Variants in P3H2 observed in about 807,000 individuals in gnomAD.
P3H2 encodes prolyl 3-hydroxylase 2, also known as leprecan-like 1.
In P3H2, 80 loss-of-function variants were observed where a neutral mutation model predicts 87.0. That is an observed-to-expected ratio of 0.92 (90% confidence interval 0.77 to 1.11). The LOEUF (loss-of-function observed/expected upper bound fraction) is 1.11, where lower values mean the gene tolerates loss of function less well. Ranked by LOEUF, P3H2 falls within the 50% of genes least tolerant of loss-of-function variation. The pLI is 0.00. For missense variants in P3H2, 1,001 were observed against 923.9 expected, an observed-to-expected ratio of 1.08 and a Z score of -1.08; for synonymous variants, 367 against 359.3, an observed-to-expected ratio of 1.02 and a Z score of -0.24.
chr3:190,027,439 C>T (rs1725116171), intron 1 of P3H2, among the ~76,000 whole-genome samples: 1 of 151,912 alleles, frequency 6.6e-6, no homozygotes, highest in African/African-American at 2.4e-5. Context: ...TGGTTGGGTA[C>T]CTGAACAGTA....
chr3:190,019,792 A>G lies in P3H2; in HGVS notation c.481-24350T>C, dbSNP rs1165689425. 1.2e-4 allele frequency among the ~76,000 whole-genome samples: 5 copies of G among 42,496 alleles called. 1 individual carries two copies. The highest frequency in any genetic ancestry group is 3.4e-4 in the African/African-American group (5 of 14,532). The allele number at this position is 42,496 out of a possible 152,430, so 27.9% of individuals were successfully genotyped here. On this transcript the variant is annotated intron_variant, in intron 1 of 14. Transcript: ENST00000319332. ...ATTACCTAGAAATTAAAAAATATAT[A>G]TATATATATATATATATATATATAC...
chr3:189,973,511 C>CT (rs869099221), intron 10 of P3H2, among the ~76,000 whole-genome samples: 85 of 35,468 alleles, frequency 2.4e-3, no homozygotes, highest in East Asian at 4.8e-3. Context: ...TTCTTTCTTT[C>CT]TTTTTTTTTT....
intron 1 of P3H2, among the ~76,000 whole-genome samples, chr3:190,040,503 C>G (rs1203280670): frequency 6.6e-6 from 1 of 152,180 alleles, no homozygotes; most frequent in Non-Finnish European, 1.5e-5. Context: ...GACTGGTCAT[C>G]TAAGGGCACC....
intron 1 of P3H2, among the ~76,000 whole-genome samples, chr3:190,072,817 A>G (rs9873955): frequency 0.24 from 36,272 of 152,126 alleles, 4,661 homozygotes; most frequent in African/African-American, 0.33. Flanking sequence ...CAAATGTTAT[A>G]CTGGAAAATG....
At chr3:190,027,687 T>C (rs1413570160) in intron 1 of P3H2, among the ~76,000 whole-genome samples, 1 of 151,692 alleles carries the variant, frequency 6.6e-6, no homozygotes, top group Non-Finnish European at 1.5e-5. Flanking sequence ...CTGTAGGTAC[T>C]GTTAACATTT....
At chr3:189,974,325 T>C (rs992864841) in intron 9 of P3H2, 25 of 622,832 alleles carry the variant, frequency 4.0e-5, no homozygotes, top group Middle Eastern at 4.3e-4. Flanking sequence ...CCTTGCTAGA[T>C]GGCTGTTGGG....
At chr3:190,010,129 C>G (rs1724540156) in intron 1 of P3H2, among the ~76,000 whole-genome samples, 1 of 152,082 alleles carries the variant, frequency 6.6e-6, no homozygotes, top group Non-Finnish European at 1.5e-5. Flanking sequence ...CTAAAATACA[C>G]AAGAGTATTC....
chr3:189,965,847 G>C (rs1722958830), intron 13 of P3H2, among the ~76,000 whole-genome samples: 1 of 151,702 alleles, frequency 6.6e-6, no homozygotes, highest in Non-Finnish European at 1.5e-5. Flanking sequence ...TTAGCCAGAT[G>C]TGTTGGTGGG....
At chr3:190,074,207 A>G (rs986022852) in intron 1 of P3H2, among the ~76,000 whole-genome samples, 1 of 152,152 alleles carries the variant, frequency 6.6e-6, no homozygotes, top group African/African-American at 2.4e-5. Context: ...GTGAATTTAA[A>G]TCTAGAATAC....
At chr3:190,017,187 C>A (rs946775353) in intron 1 of P3H2, among the ~76,000 whole-genome samples, 5 of 151,962 alleles carry the variant, frequency 3.3e-5, no homozygotes, top group African/African-American at 1.2e-4. Context: ...CTCTCCATAT[C>A]CTGAAGAATT....
At chr3:190,047,269 G>T (rs1466311497) in intron 1 of P3H2, among the ~76,000 whole-genome samples, 2 of 152,094 alleles carry the variant, frequency 1.3e-5, no homozygotes, top group Non-Finnish European at 2.9e-5. Context: ...CAATGATGTT[G>T]GTAGAGATAC....
chr3:189,995,540 G>A, intron 1 of P3H2, 98 bp from the exon 2 acceptor site: 6 of 1,090,124 alleles, frequency 5.5e-6, no homozygotes, highest in South Asian at 1.5e-5. Context: ...GTTTAAGAAT[G>A]AAACTAGGAG....
chr3:190,021,120 G>A (rs1724917921), intron 1 of P3H2, among the ~76,000 whole-genome samples: 1 of 134,698 alleles, frequency 7.4e-6, no homozygotes, highest in East Asian at 2.5e-4. Flanking sequence ...ACAGCCATCT[G>A]GAAACCAATA....
At chr3:190,054,936 C>T (rs1412414376) in intron 1 of P3H2, among the ~76,000 whole-genome samples, 1 of 152,206 alleles carries the variant, frequency 6.6e-6, no homozygotes. Flanking sequence ...CCCAAACAGA[C>T]ACCATTCTCC....
At position 190,113,902 on chromosome 3, in the gene P3H2, C is replaced by A. The variant is rs542481055; in HGVS notation, c.480+6350G>T. Among the ~76,000 whole-genome samples, 968 of 151,894 alleles carry A rather than the reference C, an allele frequency of 6.4e-3. 8 individuals are homozygous for A. The highest frequency in any genetic ancestry group is 9.2e-3 in the Non-Finnish European group (627 of 67,966). On this transcript the variant is annotated intron_variant, in intron 1 of 14. Transcript: ENST00000319332. Reference sequence around the variant, plus strand: ...ACCATCCTGGCTAACACGGTGAAACCCCGTCTCTACTAAAAATACAAAAAG... The same window carrying A: ...ACCATCCTGGCTAACACGGTGAAACACCGTCTCTACTAAAAATACAAAAAG...
intron 1 of P3H2, among the ~76,000 whole-genome samples, chr3:190,089,011 C>T (rs975912802): frequency 6.6e-5 from 10 of 152,182 alleles, no homozygotes; most frequent in East Asian, 1.9e-4. Context: ...CAGAAGTCTT[C>T]GCCATGGCCC....
chr3:190,120,643 G>C lies in P3H2; in HGVS notation c.89C>G (p.Pro30Arg), dbSNP rs1454438631. ...PPLWGGPPDS[P>R]RRELELEPGP... Reference sequence around the variant, plus strand: ...GGGCTCCAGCTCCAGCTCCCGGCGTGGGCTGTCCGGGGGGCCGCCCCACAG... The same window carrying C: ...GGGCTCCAGCTCCAGCTCCCGGCGTCGGCTGTCCGGGGGGCCGCCCCACAG... Residue 30 changes from proline (P) to arginine (R), a missense_variant, in exon 1 of 15, where the codon CCA becomes CGA. Physicochemically the swap from Pro to Arg is moderately radical, Grantham distance 103. Transcript: ENST00000319332. 2.6e-6 allele frequency: 4 copies of C among 1,527,344 alleles called. No individual in the cohort carries two copies. Among genetic ancestry groups the C allele is most frequent in the Admixed American group, 2.0e-5 (1 of 50,964 alleles). The allele number at this position is 1,527,344 out of a possible 1,614,324, so 94.6% of individuals were successfully genotyped here.
Position 190,120,345 on chromosome 3 carries a change from C to G in P3H2, c.387G>C (p.Gly129=). Residue 129 remains glycine (G), a synonymous_variant, in exon 1 of 15, where the codon GGG becomes GGC. Coordinates refer to ENST00000319332, the MANE Select transcript of P3H2 (RefSeq NM_018192.4). ...TGACGCGGTGGCGGGATGCGGGGCC[C>G]CCGAGGCGCTGGGTCTCACAGCTGC... ...CYRSCETQRL[G]GPASRHRVSE... 1 of 1,586,386 alleles carries G rather than the reference C, an allele frequency of 6.3e-7. No individual in the cohort carries two copies. The highest frequency in any genetic ancestry group is 8.5e-7 in the Non-Finnish European group (1 of 1,169,800).
At chr3:190,026,412 A>G (rs376897271) in intron 1 of P3H2, among the ~76,000 whole-genome samples, 15 of 152,290 alleles carry the variant, frequency 9.8e-5, no homozygotes, top group African/African-American at 3.4e-4. Flanking sequence ...CCTTGCTGAC[A>G]AAACAGCTTG....
Sources: allele counts gnomAD v4.1 joint callset (sites outside exome capture counted in the v4.1 genomes callset), GRCh38; gene constraint gnomAD v4.1.1; transcripts MANE v1.5; gene names NCBI Gene and HGNC (gene_info 2026-07-23, HGNC 2026-07-21).